The following ZNF804B variants were observed in gnomAD, a reference collection of about 807,000 sequenced individuals.
ZNF804B encodes the protein zinc finger 804B.
ZNF804B carries 80 observed loss-of-function variants against 101.4 expected under a neutral mutation model. The ratio of observed to expected loss-of-function variants is 0.79; its 90% CI spans 0.66 to 0.95. ZNF804B has a LOEUF of 0.95. Ranked by LOEUF, ZNF804B falls within the 40% of genes least tolerant of loss-of-function variation. ZNF804B has a pLI of 0.00. For missense variants in ZNF804B, 1,673 were observed against 1,561.9 expected, an observed-to-expected ratio of 1.07 and a Z score of -1.20; for synonymous variants, 622 against 558.8, an observed-to-expected ratio of 1.11 and a Z score of -1.59.
intron 1 of ZNF804B, among the ~76,000 whole-genome samples, chr7:88,873,841 G>A (rs1044072998): frequency 6.6e-6 from 1 of 152,048 alleles, no homozygotes; most frequent in Non-Finnish European, 1.5e-5. Context: ...CTTTGTTTTG[G>A]TACCAGTACC....
At chr7:88,827,445 A>G (rs1329920958) in intron 1 of ZNF804B, among the ~76,000 whole-genome samples, 1 of 151,024 alleles carries the variant, frequency 6.6e-6, no homozygotes, top group Non-Finnish European at 1.5e-5. Flanking sequence ...TTTTTTTTTA[A>G]CTAAAAGACA....
At chr7:88,854,395 CT>C (rs1791498249) in intron 1 of ZNF804B, among the ~76,000 whole-genome samples, 1 of 145,920 alleles carries the variant, frequency 6.9e-6, no homozygotes, top group African/African-American at 2.7e-5. Context: ...GCATTTCTTT[CT>C]TTCTTTCTTT....
At chr7:89,170,028 C>T (rs889487377) in intron 1 of ZNF804B, among the ~76,000 whole-genome samples, 2 of 152,184 alleles carry the variant, frequency 1.3e-5, no homozygotes, top group Non-Finnish European at 2.9e-5. Context: ...ACTTTTAATA[C>T]ACTTCAAATA....
At chr7:88,921,720 C>G (rs1792722240) in intron 1 of ZNF804B, among the ~76,000 whole-genome samples, 1 of 151,882 alleles carries the variant, frequency 6.6e-6, no homozygotes, top group Non-Finnish European at 1.5e-5. Context: ...ATTAGTGTCC[C>G]CAGTAATAGG....
intron 1 of ZNF804B, among the ~76,000 whole-genome samples, chr7:88,909,444 G>A (rs891570052): frequency 2.6e-4 from 40 of 151,842 alleles, no homozygotes; most frequent in African/African-American, 9.6e-4. Flanking sequence ...GGCAGAAGAT[G>A]GCAGGGTAGG....
At chr7:89,270,010 G>A (rs947412607) in intron 2 of ZNF804B, among the ~76,000 whole-genome samples, 8 of 151,884 alleles carry the variant, frequency 5.3e-5, no homozygotes, top group African/African-American at 1.7e-4. Context: ...TCCATTTTGT[G>A]GGTTGCCTGT....
At chr7:88,874,822 A>G (rs1562819550) in intron 1 of ZNF804B, among the ~76,000 whole-genome samples, 1 of 151,468 alleles carries the variant, frequency 6.6e-6, no homozygotes, top group African/African-American at 2.4e-5. Context: ...ATAGACATCT[A>G]CAGAACTCCC....
At chr7:89,110,034 C>A (rs1790192773) in intron 1 of ZNF804B, among the ~76,000 whole-genome samples, 2 of 151,968 alleles carry the variant, frequency 1.3e-5, no homozygotes, top group Non-Finnish European at 2.9e-5. Context: ...GAAGAGACCA[C>A]CAGTTTGTTA....
chr7:89,240,555 T>A (rs952145495), intron 2 of ZNF804B, among the ~76,000 whole-genome samples: 1 of 152,106 alleles, frequency 6.6e-6, no homozygotes, highest in Non-Finnish European at 1.5e-5. Flanking sequence ...GATTTAGAAA[T>A]GAATTCCCTC....
At chr7:89,167,386 T>A (rs866579883) in intron 1 of ZNF804B, among the ~76,000 whole-genome samples, 15 of 151,976 alleles carry the variant, frequency 9.9e-5, no homozygotes, top group African/African-American at 3.4e-4. Context: ...GAGGTTGCAG[T>A]GAGCCACGAT....
intron 1 of ZNF804B, among the ~76,000 whole-genome samples, chr7:88,990,946 A>G (rs144381823): frequency 1.3e-5 from 2 of 152,084 alleles, no homozygotes; most frequent in Non-Finnish European, 2.9e-5. Flanking sequence ...TTCTTTGGTC[A>G]TAGGTAGGAA....
chr7:89,286,229 G>A (rs117420040), intron 2 of ZNF804B, among the ~76,000 whole-genome samples: 5,008 of 151,990 alleles, frequency 0.033, 110 homozygotes, highest in Non-Finnish European at 0.049. Context: ...AGGACTTTAA[G>A]GCTCATTACA....
intron 1 of ZNF804B, among the ~76,000 whole-genome samples, chr7:88,940,882 G>T (rs1793045912): frequency 6.6e-6 from 1 of 150,580 alleles, no homozygotes; most frequent in Non-Finnish European, 1.5e-5. Context: ...ATCTGATAAA[G>T]AACTGTTATC....
intron 1 of ZNF804B, among the ~76,000 whole-genome samples, chr7:88,856,203 G>C (rs1006469891): frequency 1.3e-5 from 2 of 152,122 alleles, no homozygotes; most frequent in African/African-American, 4.8e-5. Context: ...GGGCAGCATG[G>C]CCATTTTCAC....
intron 1 of ZNF804B, among the ~76,000 whole-genome samples, chr7:88,764,269 T>G (rs753519678): frequency 3.1e-4 from 47 of 152,142 alleles, no homozygotes; most frequent in Non-Finnish European, 6.3e-4. Flanking sequence ...TTATTATTAC[T>G]CTTTTGAAGT....
At chr7:88,805,349 G>A (rs1790667900) in intron 1 of ZNF804B, among the ~76,000 whole-genome samples, 1 of 152,144 alleles carries the variant, frequency 6.6e-6, no homozygotes, top group African/African-American at 2.4e-5. Context: ...TAGCAGTATA[G>A]TAAAAACAAC....
intron 1 of ZNF804B, among the ~76,000 whole-genome samples, chr7:89,126,212 T>C (rs964773172): frequency 2.0e-5 from 3 of 152,018 alleles, no homozygotes; most frequent in Non-Finnish European, 4.4e-5. Flanking sequence ...TAGTGTACAA[T>C]ATGACAGTTT....
chr7:89,227,553 C>A lies in ZNF804B; in HGVS notation c.249+9258C>A, dbSNP rs886877247. On this transcript the variant is annotated intron_variant, in intron 2 of 3. Transcript: ENST00000333190. ...TATAGGATATCAGATGTTCTACATG[C>A]TATGGAGAAAAATAAAGGATTGAAG... Among the ~76,000 whole-genome samples, 7 of 152,146 alleles carry A rather than the reference C, an allele frequency of 4.6e-5. No homozygotes were observed. In the East Asian group the frequency reaches 1.4e-3, roughly 29 times the overall value.
intron 1 of ZNF804B, among the ~76,000 whole-genome samples, chr7:88,978,725 T>G (rs1245892915): frequency 7.9e-5 from 12 of 151,676 alleles, no homozygotes; most frequent in Admixed American, 7.9e-4. Flanking sequence ...AAGTAAAGAC[T>G]TACTACTGCC....
Sources: allele counts gnomAD v4.1 joint callset (sites outside exome capture counted in the v4.1 genomes callset), GRCh38; gene constraint gnomAD v4.1.1; transcripts MANE v1.5; gene names NCBI Gene and HGNC (gene_info 2026-07-23, HGNC 2026-07-21).